ZSCAN25: variants seen among roughly 807,000 people sequenced by gnomAD.
ZSCAN25 encodes the protein zinc finger and SCAN domain containing 25, also known as zinc finger and SCAN domain-containing protein 25.
A neutral mutation model predicts 38.7 loss-of-function variants in ZSCAN25; 27 were observed. The ratio of observed to expected loss-of-function variants is 0.70; its 90% CI spans 0.51 to 0.96. ZSCAN25 has a LOEUF of 0.96. Among genes scored for constraint, ZSCAN25 ranks in the 40% least tolerant of loss-of-function variants. The probability of loss-of-function intolerance (pLI) is 0.00; values close to 1 mark genes in which losing one functional copy is unlikely to be tolerated. For synonymous variants in ZSCAN25, 273 were observed against 277.7 expected (o/e 0.98, Z 0.17); for missense variants, 637 against 705.9 (o/e 0.90, Z 1.11).
chr7:99,672,042 TTTG>T, the ZSCAN25 span, among the ~76,000 whole-genome samples: 173 of 151,802 alleles, frequency 1.1e-3, 1 homozygote, highest in Admixed American at 3.0e-3. Flanking sequence ...TTTGCCGGTT[TTTG>T]TTGTTGTTGT....
chr7:99,668,778 G>A, the ZSCAN25 span, among the ~76,000 whole-genome samples: 7 of 152,200 alleles, frequency 4.6e-5, no homozygotes, highest in South Asian at 4.1e-4. Context: ...AGACACTGTC[G>A]CCATTTGTAC....
downstream of ZSCAN25, among the ~76,000 whole-genome samples, chr7:99,633,186 G>A (rs1808127316): frequency 6.6e-6 from 1 of 152,042 alleles, no homozygotes; most frequent in Non-Finnish European, 1.5e-5. Flanking sequence ...TACCCATGGC[G>A]TGATTTAACA....
At chr7:99,718,926 C>G in the ZSCAN25 span, among the ~76,000 whole-genome samples, 3 of 152,108 alleles carry the variant, frequency 2.0e-5, no homozygotes, top group Admixed American at 6.6e-5. Flanking sequence ...AAATGAAATA[C>G]TTTAGCTGTA....
the ZSCAN25 span, chr7:99,717,406 T>A: frequency 6.3e-7 from 1 of 1,586,628 alleles, no homozygotes; most frequent in Non-Finnish European, 8.6e-7. Context: ...AAAAGACTAT[T>A]TTTAGGAAGC....
chr7:99,671,894 A>AT, the ZSCAN25 span: 2 of 701,426 alleles, frequency 2.9e-6, no homozygotes, highest in Admixed American at 2.0e-5. Flanking sequence ...AATGTGAAAA[A>AT]TTGCTTAGAA....
the ZSCAN25 span, among the ~76,000 whole-genome samples, chr7:99,695,241 C>T: frequency 6.6e-6 from 1 of 152,154 alleles, no homozygotes; most frequent in African/African-American, 2.4e-5. Context: ...CAAGCAAGTG[C>T]GAATGACCCA....
chr7:99,660,580 G>A, the ZSCAN25 span: 2 of 1,613,892 alleles, frequency 1.2e-6, no homozygotes, highest in Non-Finnish European at 1.7e-6. Flanking sequence ...ATAAAGTGAA[G>A]GAAAGAACAC....
At chr7:99,621,153 G>A (rs374700640) in intron 4 of ZSCAN25, 10 of 375,938 alleles carry the variant, frequency 2.7e-5, no homozygotes, top group African/African-American at 1.7e-4. Flanking sequence ...TTGTCAAATG[G>A]CGTGGACAGA....
chr7:99,689,604 G>T, the ZSCAN25 span, among the ~76,000 whole-genome samples: 3 of 152,158 alleles, frequency 2.0e-5, no homozygotes, highest in Non-Finnish European at 2.9e-5. Flanking sequence ...CTTCAGCAAA[G>T]TCTCAGGATA....
the ZSCAN25 span, among the ~76,000 whole-genome samples, chr7:99,656,262 C>T: frequency 2.6e-5 from 4 of 152,140 alleles, no homozygotes; most frequent in East Asian, 7.7e-4. Context: ...TCCATCAATA[C>T]CTAATTTATT....
chr7:99,660,454 T>C, the ZSCAN25 span: 6 of 1,536,332 alleles, frequency 3.9e-6, no homozygotes, highest in South Asian at 6.3e-5. Flanking sequence ...GCATTTTTGC[T>C]AAGGCTTCAC....
At chr7:99,728,753 C>T in the ZSCAN25 span, among the ~76,000 whole-genome samples, 1 of 152,200 alleles carries the variant, frequency 6.6e-6, no homozygotes, top group African/African-American at 2.4e-5. Flanking sequence ...AATCCCTCTA[C>T]TTGTAGGGTT....
At chr7:99,638,828 C>T in the ZSCAN25 span, 29 of 701,316 alleles carry the variant, frequency 4.1e-5, no homozygotes, top group Non-Finnish European at 6.1e-5. Context: ...CCAACAACGC[C>T]GCCGCCGCTG....
At chr7:99,651,136 G>T in the ZSCAN25 span, among the ~76,000 whole-genome samples, 5 of 152,240 alleles carry the variant, frequency 3.3e-5, no homozygotes, top group African/African-American at 1.2e-4. Context: ...TTTGGATGGG[G>T]CAGCTAACAT....
the ZSCAN25 span, chr7:99,638,312 C>T: frequency 3.7e-6 from 6 of 1,605,880 alleles, no homozygotes; most frequent in South Asian, 5.5e-5. Context: ...CACAGGAGGG[C>T]TGCCCATACC....
At chr7:99,663,111 C>A in the ZSCAN25 span, 4 of 1,240,214 alleles carry the variant, frequency 3.2e-6, no homozygotes, top group Non-Finnish European at 3.1e-6. Context: ...ATTGCTTTTT[C>A]GCCTTTGCCC....
chr7:99,689,977 A>G, the ZSCAN25 span, among the ~76,000 whole-genome samples: 1 of 152,234 alleles, frequency 6.6e-6, no homozygotes. Context: ...ACCAGAAAAG[A>G]GCCCGCATTG....
At chr7:99,674,404 A>G in the ZSCAN25 span, 1 of 617,270 alleles carries the variant, frequency 1.6e-6, no homozygotes, top group Middle Eastern at 2.9e-4. Flanking sequence ...CTTTCAGAGA[A>G]CCTCTCTCTG....
chr7:99,717,063 G>A, the ZSCAN25 span: 4 of 1,308,492 alleles, frequency 3.1e-6, no homozygotes, highest in Non-Finnish European at 4.4e-6. Context: ...CATTACCACA[G>A]CCCTCCTTTT....
Sources: allele counts gnomAD v4.1 joint callset (sites outside exome capture counted in the v4.1 genomes callset), GRCh38; gene constraint gnomAD v4.1.1; transcripts MANE v1.5; gene names NCBI Gene and HGNC (gene_info 2026-07-23, HGNC 2026-07-21).